Variants in ST18 observed in about 807,000 individuals in gnomAD.
ST18 encodes suppression of tumorigenicity 18 protein.
Under a neutral mutation model 110.0 loss-of-function variants are expected in ST18, and 50 were observed. That is an observed-to-expected ratio of 0.45 (90% confidence interval 0.36 to 0.58). The LOEUF (loss-of-function observed/expected upper bound fraction) is 0.58, where lower values mean the gene tolerates loss of function less well. Among genes scored for constraint, ST18 ranks in the 20% least tolerant of loss-of-function variants. The pLI, the probability that ST18 is intolerant of heterozygous loss-of-function variation, is 0.00. For synonymous variants in ST18, 461 were observed against 452.4 expected (o/e 1.02, Z -0.24); for missense variants, 1,306 against 1,280.1 (o/e 1.02, Z -0.31).
chr8:52,309,389 C>A (rs988662972), intron 2 of ST18, among the ~76,000 whole-genome samples: 4 of 151,888 alleles, frequency 2.6e-5, no homozygotes, highest in Admixed American at 2.6e-4. Context: ...GGTGTGGTGG[C>A]GCATGCCTGT....
At chr8:52,134,333 T>A (rs1342337865) in intron 19 of ST18, among the ~76,000 whole-genome samples, 1 of 152,204 alleles carries the variant, frequency 6.6e-6, no homozygotes, top group Admixed American at 6.5e-5. Flanking sequence ...AGGAATAGGT[T>A]TCAAAATATT....
At chr8:52,149,428 C>T (rs977742660) in intron 16 of ST18, among the ~76,000 whole-genome samples, 1 of 152,216 alleles carries the variant, frequency 6.6e-6, no homozygotes, top group African/African-American at 2.4e-5. Context: ...CAATACATTG[C>T]CCCTTACAGC....
chr8:52,389,485 T>C (rs1301076537), intron 2 of ST18, among the ~76,000 whole-genome samples: 1 of 152,158 alleles, frequency 6.6e-6, no homozygotes, highest in Non-Finnish European at 1.5e-5. Flanking sequence ...GGCACATTCT[T>C]CTGAGCACAC....
intron 8 of ST18, among the ~76,000 whole-genome samples, chr8:52,183,529 C>A (rs1421243052): frequency 6.6e-6 from 1 of 152,166 alleles, no homozygotes; most frequent in Non-Finnish European, 1.5e-5. Flanking sequence ...TATGTGAAAT[C>A]ACTTAAGTAA....
intron 8 of ST18, 121 bp downstream of exon 8, chr8:52,211,957 GA>G: frequency 1.0e-6 from 1 of 1,003,742 alleles, no homozygotes. Flanking sequence ...CGTCTGGATG[GA>G]AAAAGCCCTT....
rs774019396 is a variant in ST18 at position 52,132,228 on chromosome 8, T to C, written c.2445-49A>G. ...CCAGCCAGGAAGAAGGCAGTGATAGTCCTATGCTCTCCAGAGAACAAACCA... is the reference window on the plus strand; with the variant it reads ...CCAGCCAGGAAGAAGGCAGTGATAGCCCTATGCTCTCCAGAGAACAAACCA... On this transcript the variant is annotated intron_variant, in intron 21 of 25. Transcript: ENST00000689386. The C allele has an allele frequency of 2.0e-6, 3 of 1,478,304 alleles. No individual in the cohort carries two copies. In the African/African-American group the frequency reaches 4.2e-5, roughly 21 times the overall value. The allele number at this position is 1,478,304 out of a possible 1,614,324, so 91.6% of individuals were successfully genotyped here.
intron 2 of ST18, among the ~76,000 whole-genome samples, chr8:52,318,622 A>G (rs902899280): frequency 2.6e-5 from 4 of 152,222 alleles, no homozygotes; most frequent in Non-Finnish European, 4.4e-5. Flanking sequence ...CACTATTCAC[A>G]ATAGCAAAGA....
rs186708910 is a variant in ST18, at chr8:52,210,237, A to G, written c.86+1842T>C. 2.0e-3 allele frequency: 844 copies of G among 411,834 alleles called. 2 individuals carry two copies. The highest frequency in any genetic ancestry group is 3.2e-3 in the Non-Finnish European group (659 of 208,384). 25.5% of individuals were successfully genotyped at this position (411,834 alleles called of 1,614,324 possible). A position where few individuals can be genotyped will look rare whatever the true frequency, so the allele number is the denominator to read the frequency against. On this transcript the variant is annotated intron_variant, in intron 8 of 25. Transcript: ENST00000689386. ...GGGGACATAAATAAAGCCTCCAGAA[A>G]TATAAGAACTTTAAATAAGAGCAAA...
intron 2 of ST18, among the ~76,000 whole-genome samples, chr8:52,252,916 AAG>A (rs1459166507): frequency 6.6e-6 from 1 of 152,032 alleles, no homozygotes; most frequent in Admixed American, 6.6e-5. Flanking sequence ...AAAGTTAGGG[AAG>A]CCTAATTTTA....
At chr8:52,155,952 T>G (rs2059912343) in intron 15 of ST18, among the ~76,000 whole-genome samples, 1 of 152,140 alleles carries the variant, frequency 6.6e-6, no homozygotes, top group African/African-American at 2.4e-5. Context: ...CATACTCCTA[T>G]GGGGTGCTTT....
rs1337993422 is a variant in ST18 at position 52,376,377 on chromosome 8, C to T, written c.-465+32951G>A. 4.6e-5 allele frequency among the ~76,000 whole-genome samples: 7 copies of T among 152,162 alleles called. No individual in the cohort carries two copies. In the East Asian group the frequency reaches 1.4e-3, roughly 29 times the overall value. On this transcript the variant is annotated intron_variant, in intron 2 of 25. Coordinates refer to ENST00000689386, the MANE Select transcript of ST18 (RefSeq NM_001352837.2). ...GCCTCTGTGCTGGCTCTTTCCTTTG[C>T]CCATGACACTTTTCTCCCAGGAGGC...
intron 8 of ST18, among the ~76,000 whole-genome samples, chr8:52,210,481 G>C (rs1043183746): frequency 6.6e-6 from 1 of 151,688 alleles, no homozygotes; most frequent in African/African-American, 2.4e-5. Context: ...AACATAGCAA[G>C]ACTCTGTCTC....
Position 52,231,249 on chromosome 8 carries a change from C to A in ST18, c.-464-1172G>T, listed in dbSNP as rs533912034. 2.7e-4 allele frequency among the ~76,000 whole-genome samples: 41 copies of A among 152,188 alleles called. No homozygotes were observed. In the South Asian group the frequency reaches 8.5e-3, roughly 32 times the overall value. The stretch of plus-strand genomic sequence containing the variant: ...TCCCATAATGCAGACACAGTGTGCC[C>A]TTATATATTTTCCATCCTTCCAACA... On this transcript the variant is annotated intron_variant, in intron 2 of 25. Transcript: ENST00000689386.
At chr8:52,377,261 A>AG (rs1468792203) in intron 2 of ST18, among the ~76,000 whole-genome samples, 1 of 152,246 alleles carries the variant, frequency 6.6e-6, no homozygotes, top group Non-Finnish European at 1.5e-5. Flanking sequence ...AAGAACCCAT[A>AG]GGACAACTAG....
At chr8:52,316,042 T>C (rs1054559845) in intron 2 of ST18, among the ~76,000 whole-genome samples, 2 of 152,242 alleles carry the variant, frequency 1.3e-5, no homozygotes, top group Non-Finnish European at 2.9e-5. Context: ...TGTGGTGTTT[T>C]GTATTTTTAG....
In ST18 at chr8:52,399,613, G is replaced by A. The variant is rs144387553; in HGVS notation, c.-465+9715C>T. ...AGTACTATTGTTGTTGCAGTTCATA[G>A]GTTTTCGTAGGTTATGTTTCCATTG... is the stretch of plus-strand genomic sequence containing the variant. On this transcript the variant is annotated intron_variant, in intron 2 of 25. Transcript: ENST00000689386. 3.3e-5 allele frequency among the ~76,000 whole-genome samples: 5 copies of A among 151,560 alleles called. No homozygotes were observed. The South Asian group carries it at 8.3e-4, about 25-fold the overall frequency.
intron 2 of ST18, among the ~76,000 whole-genome samples, chr8:52,376,644 C>G (rs1049966233): frequency 6.6e-6 from 1 of 151,802 alleles, no homozygotes; most frequent in Admixed American, 6.6e-5. Flanking sequence ...AGAAGCCAAG[C>G]CCCTTGTGGG....
At position 52,180,186 on chromosome 8, in the gene ST18, T is replaced by C; in HGVS notation, c.213A>G (p.Gln71=). Residue 71 remains glutamine (Q), a synonymous_variant, in exon 9 of 26, where the codon CAA becomes CAG. Transcript: ENST00000689386. ...PRHYSPKADC[Q]EDRSDRTEDD... ...CCTCTGTCCTGTCACTGCGGTCTTC[T>C]TGGCAGTCTGCTTTTGGGCTGTAGT... is the stretch of plus-strand genomic sequence containing the variant. 1 of 1,614,184 alleles carries C rather than the reference T, an allele frequency of 6.2e-7. No individual in the cohort carries two copies. The highest frequency in any genetic ancestry group is 8.5e-7 in the Non-Finnish European group (1 of 1,180,026).
intron 2 of ST18, among the ~76,000 whole-genome samples, chr8:52,337,021 G>A (rs1327203062): frequency 1.3e-5 from 2 of 152,172 alleles, no homozygotes; most frequent in East Asian, 3.9e-4. Context: ...AATGCAACCA[G>A]TTTCTAACAA....
Sources: gnomAD v4.1 joint callset for allele counts (sites outside exome capture counted in the v4.1 genomes callset) on GRCh38, gnomAD v4.1.1 for gene constraint, MANE v1.5 for transcripts, NCBI Gene and HGNC (gene_info 2026-07-23, HGNC 2026-07-21) for gene names.